The following KCNN2 variants were observed in gnomAD, a reference collection of about 807,000 sequenced individuals.
KCNN2 encodes the protein potassium calcium-activated channel subfamily N member 2.
KCNN2 carries 24 observed loss-of-function variants against 55.5 expected under a neutral mutation model. The ratio of observed to expected loss-of-function variants is 0.43; its 90% CI spans 0.31 to 0.61. The LOEUF (loss-of-function observed/expected upper bound fraction) is 0.61, where lower values mean the gene tolerates loss of function less well. Among genes scored for constraint, KCNN2 ranks in the 20% least tolerant of loss-of-function variants. The pLI is 0.08. For missense variants in KCNN2, 754 were observed against 853.6 expected (o/e 0.88, Z 1.45); for synonymous variants, 431 against 336.1 (o/e 1.28, Z -3.09).
chr5:114,380,374 G>A (rs1162653820), intron 2 of KCNN2, among the ~76,000 whole-genome samples: 1 of 152,086 alleles, frequency 6.6e-6, no homozygotes, highest in Non-Finnish European at 1.5e-5. Flanking sequence ...ATAATGCCCT[G>A]GCTCTCTCTC....
chr5:114,491,540 A>G (rs1241649636), intron 6 of KCNN2, among the ~76,000 whole-genome samples: 2 of 151,066 alleles, frequency 1.3e-5, no homozygotes, highest in Non-Finnish European at 3.0e-5. Context: ...AAAGAAAAAA[A>G]AAAAAAAAGC....
At chr5:114,225,925 G>A (rs540364123) in intron 2 of KCNN2, among the ~76,000 whole-genome samples, 8 of 152,272 alleles carry the variant, frequency 5.3e-5, no homozygotes, top group Admixed American at 4.6e-4. Flanking sequence ...AAAATGAATT[G>A]AAGAGGGACA....
intron 1 of KCNN2, among the ~76,000 whole-genome samples, chr5:114,147,669 A>G (rs1752426493): frequency 6.6e-6 from 1 of 152,224 alleles, no homozygotes; most frequent in South Asian, 2.1e-4. Flanking sequence ...TTAGATCTGT[A>G]TCTCCTGATA....
At chr5:114,432,304 C>T (rs1041639742) in intron 3 of KCNN2, among the ~76,000 whole-genome samples, 4 of 152,176 alleles carry the variant, frequency 2.6e-5, no homozygotes, top group African/African-American at 9.7e-5. Context: ...GAAGATTGAC[C>T]TTTTAACATT....
At chr5:114,397,223 C>T (rs1044745491) in intron 2 of KCNN2, among the ~76,000 whole-genome samples, 1 of 152,106 alleles carries the variant, frequency 6.6e-6, no homozygotes, top group East Asian at 1.9e-4. Flanking sequence ...ATTTATAATC[C>T]TTTGGGTATG....
chr5:114,333,495 C>T (rs377590434), intron 2 of KCNN2, among the ~76,000 whole-genome samples: 12 of 152,038 alleles, frequency 7.9e-5, no homozygotes, highest in East Asian at 7.8e-4. Context: ...GATTTATCTG[C>T]GGTGTCATAG....
intron 1 of KCNN2, among the ~76,000 whole-genome samples, chr5:114,078,861 G>A (rs771460269): frequency 1.3e-5 from 2 of 152,154 alleles, no homozygotes; most frequent in African/African-American, 2.4e-5. Flanking sequence ...AATTACCTCT[G>A]CCTGCAGAGC....
chr5:114,159,171 CG>C (rs1752708223), intron 1 of KCNN2, among the ~76,000 whole-genome samples: 1 of 152,100 alleles, frequency 6.6e-6, no homozygotes, highest in Admixed American at 6.6e-5. Context: ...TTTTGAGATA[CG>C]TCCCATCAAT....
chr5:114,436,855 C>G (rs532889036), intron 3 of KCNN2, among the ~76,000 whole-genome samples: 1 of 152,302 alleles, frequency 6.6e-6, no homozygotes, highest in East Asian at 1.9e-4. Flanking sequence ...GTGATATCCA[C>G]TAGCCAAATG....
Position 114,323,649 on chromosome 5 carries a change from A to ATTTTTTTTTTTTTT in KCNN2, c.-184-37291_-184-37278dup, listed in dbSNP as rs6149185. Reference sequence around the variant, plus strand: ...TAAGTATCATGATATAAACATATCAATTTTTTTTTTTTTTTTTTGCTGGTC... The same window carrying ATTTTTTTTTTTTTT: ...TAAGTATCATGATATAAACATATCAATTTTTTTTTTTTTTTTTTTTTTTTTTTTTTTTGCTGGTC... On this transcript the variant is annotated intron_variant, in intron 2 of 10. Transcript: ENST00000512097. Among the ~76,000 whole-genome samples the ATTTTTTTTTTTTTT allele has an allele frequency of 3.0e-3, 258 of 85,260 alleles. 21 individuals carry two copies. The highest frequency in any genetic ancestry group is 4.3e-3 in the East Asian group (10 of 2,322). 55.9% of individuals were successfully genotyped at this position (85,260 alleles called of 152,430 possible).
intron 1 of KCNN2, among the ~76,000 whole-genome samples, chr5:114,057,508 T>G (rs1750237204): frequency 6.6e-6 from 1 of 152,208 alleles, no homozygotes; most frequent in Non-Finnish European, 1.5e-5. Context: ...CACATATTCA[T>G]CCATTCCCTC....
At chr5:114,184,561 C>T (rs1484882127) in intron 1 of KCNN2, among the ~76,000 whole-genome samples, 1 of 152,092 alleles carries the variant, frequency 6.6e-6, no homozygotes, top group Non-Finnish European at 1.5e-5. Flanking sequence ...TTTGCTATGA[C>T]ATTTTCATCA....
chr5:114,210,953 C>T (rs1753869340), intron 1 of KCNN2, among the ~76,000 whole-genome samples: 1 of 151,716 alleles, frequency 6.6e-6, no homozygotes, highest in Non-Finnish European at 1.5e-5. Flanking sequence ...GGCCAACAAG[C>T]ATATAAAAAA....
At chr5:114,259,189 G>A (rs143043428) in intron 2 of KCNN2, among the ~76,000 whole-genome samples, 10 of 152,304 alleles carry the variant, frequency 6.6e-5, no homozygotes, top group Non-Finnish European at 1.3e-4. Context: ...AGGAAAGCAC[G>A]TGTTCTGGTT....
At chr5:114,179,853 A>G (rs1469027821) in intron 1 of KCNN2, among the ~76,000 whole-genome samples, 1 of 152,220 alleles carries the variant, frequency 6.6e-6, no homozygotes, top group Admixed American at 6.5e-5. Context: ...GATAGAGACT[A>G]TGCAAAGAAT....
upstream of KCNN2, chr5:114,361,028 C>CCTCT (rs1458354811): frequency 2.0e-4 from 31 of 152,528 alleles, no homozygotes; most frequent in Admixed American, 2.0e-3. Flanking sequence ...GAGCCGCCTG[C>CCTCT]CTCTCCACCG....
In KCNN2 at chr5:114,158,519, G is replaced by GT. The variant is rs1298502419; in HGVS notation, c.-270-62955dup. ...TTGGTTCCATATGAAGTTTAAAGTA[G>GT]TTTTTTCCAATTCTGTGAAGAAAGT... On this transcript the variant is annotated intron_variant, in intron 1 of 10. Coordinates refer to the KCNN2 transcript ENST00000512097. Among the ~76,000 whole-genome samples, 4 of 152,102 alleles carry GT rather than the reference G, an allele frequency of 2.6e-5. No individual in the cohort carries two copies. The East Asian group carries it at 7.7e-4, about 29-fold the overall frequency.
chr5:114,130,208 T>C (rs1292339516), intron 1 of KCNN2, among the ~76,000 whole-genome samples: 2 of 152,242 alleles, frequency 1.3e-5, no homozygotes, highest in South Asian at 4.1e-4. Flanking sequence ...TTTTTTCTTT[T>C]ACAGAGTAGT....
upstream of KCNN2, chr5:114,361,192 G>C (rs1580746879): frequency 1.3e-5 from 2 of 152,208 alleles, no homozygotes; most frequent in East Asian, 3.9e-4. Context: ...CCCCCGCCAG[G>C]GGGGACCCGG....
Sources: gnomAD v4.1 joint callset for allele counts (sites outside exome capture counted in the v4.1 genomes callset) on GRCh38, gnomAD v4.1.1 for gene constraint, MANE v1.5 for transcripts, NCBI Gene and HGNC (gene_info 2026-07-23, HGNC 2026-07-21) for gene names.